CATSPERT: variants seen among roughly 807,000 people sequenced by gnomAD.
The protein encoded by CATSPERT is cation channel sperm-associated targeting subunit tau.
chr2:201,593,288 G>T, the CATSPERT span, among the ~76,000 whole-genome samples: 2 of 150,782 alleles, frequency 1.3e-5, no homozygotes, highest in Non-Finnish European at 3.0e-5. Context: ...GTAGTTGAGC[G>T]GTTTTGAGTG....
At chr2:201,510,464 TAAAAG>T in the CATSPERT span, among the ~76,000 whole-genome samples, 4 of 151,956 alleles carry the variant, frequency 2.6e-5, no homozygotes, top group Non-Finnish European at 5.9e-5. Flanking sequence ...TAAATAAAAA[TAAAAG>T]AATAAGAACA....
chr2:201,585,208 G>A, the CATSPERT span, among the ~76,000 whole-genome samples: 183 of 152,062 alleles, frequency 1.2e-3, 1 homozygote, highest in Non-Finnish European at 2.4e-3. Context: ...ACAGGGGAGG[G>A]GAACATCACA....
the CATSPERT span, chr2:201,575,235 T>C: frequency 2.1e-6 from 3 of 1,455,920 alleles, no homozygotes; most frequent in Non-Finnish European, 2.8e-6. Flanking sequence ...ATGTTAAGAA[T>C]ATATTACATG....
the CATSPERT span, among the ~76,000 whole-genome samples, chr2:201,590,659 CTTT>C: frequency 6.6e-6 from 1 of 152,066 alleles, no homozygotes; most frequent in Non-Finnish European, 1.5e-5. Context: ...TGTTTCCTGA[CTTT>C]TTAATGATTG....
chr2:201,604,567 T>A, the CATSPERT span: 1 of 1,278,272 alleles, frequency 7.8e-7, no homozygotes, highest in Non-Finnish European at 1.1e-6. Context: ...GATTATCAAA[T>A]AATAAATAAC....
chr2:201,615,185 T>C, the CATSPERT span, among the ~76,000 whole-genome samples: 5 of 152,276 alleles, frequency 3.3e-5, no homozygotes, highest in East Asian at 9.7e-4. Flanking sequence ...GGAATTGAAC[T>C]CAGCTCTGCA....
chr2:201,549,071 T>C, the CATSPERT span, among the ~76,000 whole-genome samples: 2 of 152,110 alleles, frequency 1.3e-5, no homozygotes, highest in Non-Finnish European at 1.5e-5. Context: ...AGAAGAGTTT[T>C]CTAAGCCAAT....
At chr2:201,520,821 G>A in the CATSPERT span, among the ~76,000 whole-genome samples, 2 of 151,072 alleles carry the variant, frequency 1.3e-5, no homozygotes, top group East Asian at 1.9e-4. Context: ...TCTGGGAGGT[G>A]AAGGTCGTGG....
chr2:201,491,827 C>T, the CATSPERT span: 1 of 1,536,948 alleles, frequency 6.5e-7, no homozygotes, highest in Non-Finnish European at 8.7e-7. Context: ...TTTACCACCC[C>T]AACTATATGG....
the CATSPERT span, chr2:201,493,290 T>C: frequency 6.5e-7 from 1 of 1,536,640 alleles, no homozygotes. Flanking sequence ...AACTTGAATC[T>C]TGTGGGAACA....
the CATSPERT span, among the ~76,000 whole-genome samples, chr2:201,587,045 G>T: frequency 6.6e-6 from 1 of 151,646 alleles, no homozygotes; most frequent in African/African-American, 2.4e-5. Flanking sequence ...TTGCTGTAGG[G>T]ATTATAATAT....
chr2:201,489,406 G>A, the CATSPERT span, among the ~76,000 whole-genome samples: 1 of 152,060 alleles, frequency 6.6e-6, no homozygotes, highest in African/African-American at 2.4e-5. Context: ...GTAGACACGT[G>A]TGTATATACA....
chr2:201,618,829 C>A, the CATSPERT span: 5 of 1,450,114 alleles, frequency 3.4e-6, no homozygotes, highest in African/African-American at 2.8e-5. Context: ...ACCCTTTAAT[C>A]CTTTCACCAC....
the CATSPERT span, chr2:201,547,585 T>C: frequency 1.3e-6 from 2 of 1,528,472 alleles, no homozygotes; most frequent in Non-Finnish European, 1.8e-6. Context: ...TTCAGATTTC[T>C]ATATTCTTTT....
At chr2:201,559,001 C>T in the CATSPERT span, among the ~76,000 whole-genome samples, 1 of 152,206 alleles carries the variant, frequency 6.6e-6, no homozygotes, top group South Asian at 2.1e-4. Context: ...GCCACTCTCA[C>T]CCAGGGTGAA....
the CATSPERT span, among the ~76,000 whole-genome samples, chr2:201,533,244 T>G: frequency 2.6e-5 from 4 of 152,186 alleles, no homozygotes; most frequent in Admixed American, 2.0e-4. Flanking sequence ...ATATGTGAAA[T>G]TTCAGCCTTC....
chr2:201,491,273 T>C, the CATSPERT span: 1 of 1,537,810 alleles, frequency 6.5e-7, no homozygotes, highest in Non-Finnish European at 8.7e-7. Context: ...CTGACTATCT[T>C]GTTAAATGAC....
the CATSPERT span, among the ~76,000 whole-genome samples, chr2:201,589,243 T>C: frequency 6.6e-6 from 1 of 152,226 alleles, no homozygotes; most frequent in South Asian, 2.1e-4. Context: ...TTCAAAGAAC[T>C]AGAGAAAACT....
the CATSPERT span, among the ~76,000 whole-genome samples, chr2:201,544,680 C>A: frequency 6.6e-6 from 1 of 151,884 alleles, no homozygotes; most frequent in African/African-American, 2.4e-5. Flanking sequence ...TTTTTCTCAT[C>A]CTTAAAAAAG....
Sources: gnomAD v4.1 joint callset for allele counts (sites outside exome capture counted in the v4.1 genomes callset) on GRCh38, gnomAD v4.1.1 for gene constraint, MANE v1.5 for transcripts, NCBI Gene and HGNC (gene_info 2026-07-23, HGNC 2026-07-21) for gene names.